YIPF6: variants seen among roughly 807,000 people sequenced by gnomAD.
YIPF6 encodes protein YIPF6.
In YIPF6, 3 loss-of-function variants were observed where a neutral mutation model predicts 16.8. The observed-to-expected ratio is 0.18, with a 90% CI of 0.08 to 0.46. The LOEUF (loss-of-function observed/expected upper bound fraction) is 0.46. Among genes scored for constraint, YIPF6 ranks in the 20% least tolerant of loss-of-function variants. YIPF6 has a pLI of 0.98. For missense variants in YIPF6, 145 were observed against 184.9 expected (o/e 0.78, Z 1.25); for synonymous variants, 67 against 61.9 (o/e 1.08, Z -0.38).
intron 6 of YIPF6, 114 bp downstream of exon 6, chrX:68,523,031 G>C (rs905998124): frequency 1.1e-6 from 1 of 915,955 alleles, no homozygotes; most frequent in Non-Finnish European, 1.5e-6. Context: ...TATGATTCTT[G>C]ATAGTATTAT....
intron 1 of YIPF6, among the ~76,000 whole-genome samples, chrX:68,505,936 A>G (rs1173844097): frequency 1.8e-5 from 2 of 111,607 alleles, no homozygotes; most frequent in African/African-American, 6.5e-5. Context: ...CCTATAGACC[A>G]TATTTGAATT....
intron 6 of YIPF6, among the ~76,000 whole-genome samples, chrX:68,525,642 A>G (rs1381132553): frequency 8.9e-6 from 1 of 112,063 alleles, no homozygotes; most frequent in Non-Finnish European, 1.9e-5. Context: ...TCTTTAATCC[A>G]TCTTGAGTTA....
rs2079186303 is a variant in YIPF6, at chrX:68,535,073, A to G, written c.*3074A>G. 1 of 112,639 alleles carries G rather than the reference A, an allele frequency of 8.9e-6. No homozygotes were observed. Among genetic ancestry groups the G allele is most frequent in the Non-Finnish European group, 1.9e-5 (1 of 53,396 alleles). 9.3% of individuals were successfully genotyped at this position (112,639 alleles called of 1,213,427 possible). On this transcript the variant is annotated 3_prime_UTR_variant, in exon 7 of 7. Coordinates refer to ENST00000462683, the MANE Select transcript of YIPF6 (RefSeq NM_173834.4). ...ATGTGCAGTAAAGTCTTAAAAGTCA[A>G]CCGTTAATCATTAAGTCTTTTGCCT...
chrX:68,519,741 A>C (rs764741022), intron 4 of YIPF6, among the ~76,000 whole-genome samples: 2 of 110,735 alleles, frequency 1.8e-5, no homozygotes, highest in South Asian at 7.7e-4. Flanking sequence ...AAATTCACTA[A>C]GTTTCTTGCT....
At position 68,536,268 on chromosome X, in the gene YIPF6, C is replaced by T. The variant is rs2079191304; in HGVS notation, c.*4269C>T. 9.0e-6 allele frequency: 1 copy of T among 111,476 alleles called. No individual in the cohort carries two copies. Among genetic ancestry groups the T allele is most frequent in the Non-Finnish European group, 1.9e-5 (1 of 53,145 alleles). The allele number at this position is 111,476 out of a possible 1,213,427, so 9.2% of individuals were successfully genotyped here. On this transcript the variant is annotated 3_prime_UTR_variant, in exon 7 of 7. Coordinates refer to ENST00000462683, the MANE Select transcript of YIPF6 (RefSeq NM_173834.4). Reference sequence around the variant, plus strand: ...CCAGCCTCTGGCAACCACTAATCTGCTTTCTGTCACTATTGATTTGGCCAG... The same window carrying T: ...CCAGCCTCTGGCAACCACTAATCTGTTTTCTGTCACTATTGATTTGGCCAG...
chrX:68,524,461 A>G (rs2079139382), intron 6 of YIPF6, among the ~76,000 whole-genome samples: 1 of 109,655 alleles, frequency 9.1e-6, no homozygotes, highest in African/African-American at 3.3e-5. Flanking sequence ...GAGCCACCGC[A>G]CCTGGCTGAT....
rs2079190911 is a variant in YIPF6, at chrX:68,536,165, C to T, written c.*4166C>T. 9.0e-6 allele frequency: 1 copy of T among 111,652 alleles called. No individual in the cohort carries two copies. Among genetic ancestry groups the T allele is most frequent in the Admixed American group, 9.6e-5 (1 of 10,462 alleles). The allele number at this position is 111,652 out of a possible 1,213,427, so 9.2% of individuals were successfully genotyped here. On this transcript the variant is annotated 3_prime_UTR_variant, in exon 7 of 7. Transcript: ENST00000462683. ...CACAAAATTGCACAACTATCACTAACATCTAATTTTAGATCATTTTGTAAC... is the reference window on the plus strand; with the variant it reads ...CACAAAATTGCACAACTATCACTAATATCTAATTTTAGATCATTTTGTAAC...
In YIPF6 at chrX:68,536,228, C is replaced by T. The variant is rs2079191055; in HGVS notation, c.*4229C>T. ...CCCCAGGTCTGTCAGCAGTCAGTTC[C>T]ATTCCCCCTTCATCCCAGCCTCTGG... is the stretch of plus-strand genomic sequence containing the variant. On this transcript the variant is annotated 3_prime_UTR_variant, in exon 7 of 7. Transcript: ENST00000462683. The T allele has an allele frequency of 9.0e-6, 1 of 111,393 alleles. No homozygotes were observed. The highest frequency in any genetic ancestry group is 3.3e-5 in the African/African-American group (1 of 30,634). The allele number at this position is 111,393 out of a possible 1,213,427, so 9.2% of individuals were successfully genotyped here. A position where few individuals can be genotyped will look rare whatever the true frequency, so the allele number is the denominator to read the frequency against.
intron 1 of YIPF6, among the ~76,000 whole-genome samples, chrX:68,499,800 G>A (rs1406343709): frequency 9.0e-6 from 1 of 111,724 alleles, no homozygotes; most frequent in African/African-American, 3.3e-5. Flanking sequence ...ACCACACCAG[G>A]CTAATTTTTA....
At chrX:68,507,563 G>C (rs1027888320) in intron 1 of YIPF6, among the ~76,000 whole-genome samples, 1 of 107,440 alleles carries the variant, frequency 9.3e-6, no homozygotes, top group African/African-American at 3.4e-5. Context: ...GTCTTTCTTT[G>C]TTTATTTGTT....
intron 6 of YIPF6, among the ~76,000 whole-genome samples, chrX:68,523,934 C>G (rs55843306): frequency 0.036 from 4,007 of 111,834 alleles, 89 homozygotes; most frequent in Middle Eastern, 0.074. Flanking sequence ...CACAGGTGAT[C>G]ACGAAGTAGA....
Position 68,510,586 on chromosome X carries a change from TTTTA to T in YIPF6, c.58-1255_58-1252del, listed in dbSNP as rs199543777. On this transcript the variant is annotated intron_variant, in intron 1 of 6. Coordinates refer to ENST00000462683, the MANE Select transcript of YIPF6 (RefSeq NM_173834.4). The stretch of plus-strand genomic sequence containing the variant: ...ATTTTATTTTATTTTATATTTTATA[TTTTA>T]TTTATTTTATTTATTTATTTATTTG... 1.3e-3 allele frequency: 109 copies of T among 84,935 alleles called. 1 individual carries two copies. Among genetic ancestry groups the T allele is most frequent in the African/African-American group, 9.3e-3 (104 of 11,177 alleles). 7.0% of individuals were successfully genotyped at this position (84,935 alleles called of 1,213,427 possible).
chrX:68,499,780 G>C (rs1290098245), intron 1 of YIPF6, among the ~76,000 whole-genome samples: 1 of 112,146 alleles, frequency 8.9e-6, no homozygotes, highest in Non-Finnish European at 1.9e-5. Flanking sequence ...TAGGACCACA[G>C]GTGCGTGTCA....
intron 5 of YIPF6, 137 bp from the exon 6 acceptor site, chrX:68,522,623 A>G (rs1490554728): frequency 7.1e-5 from 43 of 607,262 alleles, no homozygotes; most frequent in Non-Finnish European, 9.6e-5. Flanking sequence ...TGTACTTAAT[A>G]ATTAATGTTA....
intron 6 of YIPF6, among the ~76,000 whole-genome samples, chrX:68,527,410 C>CA (rs201746640): frequency 3.4e-4 from 37 of 109,690 alleles, no homozygotes; most frequent in Admixed American, 2.1e-3. Context: ...TTAATCTTTC[C>CA]AAAAAAAACA....
intron 1 of YIPF6, among the ~76,000 whole-genome samples, chrX:68,504,625 A>C (rs2079053098): frequency 8.9e-6 from 1 of 112,388 alleles, no homozygotes; most frequent in Non-Finnish European, 1.9e-5. Context: ...TTTATTATAC[A>C]GTAGTGACAG....
chrX:68,512,076 A>G lies in YIPF6; in HGVS notation c.186+99A>G, dbSNP rs544322722. On this transcript the variant is annotated intron_variant, in intron 2 of 6. Coordinates refer to ENST00000462683, the MANE Select transcript of YIPF6 (RefSeq NM_173834.4). ...TTCATTTGGTTCACTGATTTTGAAT[A>G]TATTTTATATACTGAAGTTTAATAT... 1.1e-3 allele frequency: 934 copies of G among 879,527 alleles called. 6 individuals are homozygous for G. In the South Asian group the frequency reaches 0.026, roughly 25 times the overall value. 72.5% of individuals were successfully genotyped at this position (879,527 alleles called of 1,213,427 possible). A position where few individuals can be genotyped will look rare whatever the true frequency, so the allele number is the denominator to read the frequency against.
chrX:68,531,274 G>A (rs751310377), intron 6 of YIPF6, among the ~76,000 whole-genome samples: 4 of 110,531 alleles, frequency 3.6e-5, no homozygotes, highest in African/African-American at 1.3e-4. Flanking sequence ...ACAGGTGCCC[G>A]CCACCACACC....
intron 4 of YIPF6, 115 bp from the exon 5 acceptor site, chrX:68,521,257 G>C (rs916168733): frequency 1.1e-6 from 1 of 892,597 alleles, no homozygotes; most frequent in African/African-American, 2.0e-5. Context: ...ACATATTACA[G>C]ATCTTCAGGT....
Sources: gnomAD v4.1 joint callset for allele counts (sites outside exome capture counted in the v4.1 genomes callset) on GRCh38, gnomAD v4.1.1 for gene constraint, MANE v1.5 for transcripts, NCBI Gene and HGNC (gene_info 2026-07-23, HGNC 2026-07-21) for gene names.